HTR6: variants seen among roughly 807,000 people sequenced by gnomAD.
The protein encoded by HTR6 is 5-hydroxytryptamine receptor 6, also known as 5-hydroxytryptamine (serotonin) receptor 6, G protein-coupled.
In HTR6, 15 loss-of-function variants were observed where a neutral mutation model predicts 17.4. The observed-to-expected ratio is 0.86, with a 90% CI of 0.58 to 1.33. The LOEUF is 1.33. HTR6 is among the 40% of genes most tolerant of loss of function. The probability of loss-of-function intolerance (pLI) is 0.00; values close to 1 mark genes in which losing one functional copy is unlikely to be tolerated. For synonymous variants in HTR6, 326 were observed against 295.5 expected (o/e 1.10, Z -1.06); for missense variants, 578 against 616.0 (o/e 0.94, Z 0.65).
intron 1 of HTR6, among the ~76,000 whole-genome samples, chr1:19,669,845 AG>A (rs1252958631): frequency 6.6e-6 from 1 of 152,162 alleles, no homozygotes; most frequent in Non-Finnish European, 1.5e-5. Flanking sequence ...CATGTTGGCC[AG>A]GCTGGTCTCG....
chr1:19,671,575 T>C (rs2095087936), intron 1 of HTR6, among the ~76,000 whole-genome samples: 1 of 152,030 alleles, frequency 6.6e-6, no homozygotes, highest in South Asian at 2.1e-4. Flanking sequence ...GCCCCCTCAA[T>C]GTTTGGACCT....
Position 19,679,041 on chromosome 1 carries a change from C to A in HTR6, c.996C>A (p.Gly332=). The A allele has an allele frequency of 6.2e-7, 1 of 1,614,128 alleles. No individual in the cohort carries two copies. The highest frequency in any genetic ancestry group is 8.5e-7 in the Non-Finnish European group (1 of 1,179,986). ...TGCGGGACTTCAAGCGGGCGCTGGGCAGGTTCCTGCCATGTCCACGCTGTC... is the reference window on the plus strand; with the variant it reads ...TGCGGGACTTCAAGCGGGCGCTGGGAAGGTTCCTGCCATGTCCACGCTGTC... ...LFMRDFKRAL[G]RFLPCPRCPR... Residue 332 remains glycine, a synonymous_variant, in exon 3 of 3, where the codon GGC becomes GGA. Coordinates refer to ENST00000289753, the MANE Select transcript of HTR6 (RefSeq NM_000871.3). The surrounding 1 kb of genome is among the most constrained non-coding windows in gnomAD (Gnocchi z 4.9).
chr1:19,674,475 CG>C (rs1426614653), intron 1 of HTR6, among the ~76,000 whole-genome samples: 7 of 145,344 alleles, frequency 4.8e-5, no homozygotes, highest in African/African-American at 1.8e-4. Context: ...GGTGTGATCT[CG>C]GCTCACTGCA....
rs780415156 is a variant in HTR6, at chr1:19,665,886, T to C, written c.133T>C (p.Ser45Pro). The change falls in exon 1 of 3, where the codon TCG (serine) becomes CCG (proline). Residue 45 changes from serine (S) to proline (P), a missense_variant. Transcript: ENST00000289753. This position sits in a 1 kb window ranked among gnomAD's most constrained non-coding sequence, Gnocchi z 4.2. Reference protein sequence around the residue: ...VVIALTAAANSLLIALICTQP... With the variant: ...VVIALTAAANPLLIALICTQP... ...CATCGCGCTGACGGCGGCGGCCAAC[T>C]CGCTGCTGATCGCGCTCATCTGCAC... 1 of 1,609,116 alleles carries C rather than the reference T, an allele frequency of 6.2e-7. No homozygotes were observed. Among genetic ancestry groups the C allele is most frequent in the Non-Finnish European group, 8.5e-7 (1 of 1,178,304 alleles).
chr1:19,676,745 T>C lies in HTR6; in HGVS notation c.715-1822T>C, dbSNP rs374116208. 2.0e-3 allele frequency among the ~76,000 whole-genome samples: 310 copies of C among 152,294 alleles called. 12 individuals carry two copies. The South Asian group carries it at 0.061, about 30-fold the overall frequency. ...CTCCGCCTTTCCATCTGCGGAAGGT[T>C]GCCTGGGAATCTGGCTCTGCTCCTG... On this transcript the variant is annotated intron_variant, in intron 1 of 2. Coordinates refer to ENST00000289753, the MANE Select transcript of HTR6 (RefSeq NM_000871.3).
intron 1 of HTR6, among the ~76,000 whole-genome samples, chr1:19,671,618 T>A (rs1302907185): frequency 2.0e-5 from 3 of 152,030 alleles, no homozygotes; most frequent in African/African-American, 7.3e-5. Flanking sequence ...CAGATGTGGG[T>A]GTCTTGGACC....
At position 19,665,731 on chromosome 1, in the gene HTR6, C is replaced by T. The variant is rs2095080550; in HGVS notation, c.-23C>T. ...TGCTTTCCCGCCACCCTATCACTCC[C>T]TTGCCGTCCACCCTCGGTCCTCATG... On this transcript the variant is annotated 5_prime_UTR_variant, in exon 1 of 3. Coordinates refer to ENST00000289753, the MANE Select transcript of HTR6 (RefSeq NM_000871.3). This position sits in a 1 kb window ranked among gnomAD's most constrained non-coding sequence, Gnocchi z 4.2. 4 of 1,429,532 alleles carry T rather than the reference C, an allele frequency of 2.8e-6. No homozygotes were observed. The African/African-American group carries it at 6.0e-5, about 21-fold the overall frequency. The allele number at this position is 1,429,532 out of a possible 1,614,324, so 88.6% of individuals were successfully genotyped here.
chr1:19,668,650 C>T (rs1166646012), intron 1 of HTR6, among the ~76,000 whole-genome samples: 4 of 152,156 alleles, frequency 2.6e-5, no homozygotes, highest in African/African-American at 9.7e-5. Context: ...CCCAGGCTGG[C>T]CTCGAGCTCC....
chr1:19,679,091 C>A lies in HTR6; in HGVS notation c.1046C>A (p.Ala349Asp), dbSNP rs140352202. 1 of 1,613,600 alleles carries A rather than the reference C, an allele frequency of 6.2e-7. No individual in the cohort carries two copies. Among genetic ancestry groups the A allele is most frequent in the Admixed American group, 1.7e-5 (1 of 59,988 alleles). ...RCPRERQASLASPSLRTSHSG... is the reference protein window; with the variant it reads ...RCPRERQASLDSPSLRTSHSG... ...CCCCGGGAGCGCCAGGCCAGCCTGG[C>A]CTCGCCATCACTGCGCACCTCTCAC... Residue 349 changes from alanine to aspartate, a missense_variant, in exon 3 of 3, where the codon GCC (alanine) becomes GAC (aspartate). Ala to Asp is a moderately radical substitution (Grantham distance 126). Transcript: ENST00000289753. The surrounding 1 kb of genome is among the most constrained non-coding windows in gnomAD (Gnocchi z 4.9).
chr1:19,672,461 G>A (rs557709585), intron 1 of HTR6, among the ~76,000 whole-genome samples: 1 of 152,102 alleles, frequency 6.6e-6, no homozygotes, highest in Non-Finnish European at 1.5e-5. Flanking sequence ...GGAGGAGGGG[G>A]CCGAGCCAGG....
chr1:19,672,051 T>C (rs919617030), intron 1 of HTR6, among the ~76,000 whole-genome samples: 2 of 151,798 alleles, frequency 1.3e-5, no homozygotes, highest in African/African-American at 4.8e-5. Flanking sequence ...TGGGAGATTG[T>C]GGAGGGTCCA....
rs201812903 is a variant in HTR6 at position 19,678,914 on chromosome 1, C to G, written c.874-5C>G. 2.0e-4 allele frequency: 317 copies of G among 1,589,908 alleles called. 2 individuals carry two copies. The highest frequency in any genetic ancestry group is 1.6e-3 in the South Asian group (142 of 87,648). On this transcript the variant is annotated splice_region_variant and splice_polypyrimidine_tract_variant and intron_variant, in intron 2 of 2. Transcript: ENST00000289753. ...GACCAGGCATGATGCATCCCCTCCC[C>G]CCAGGCCGTGTGCGACTGCATCTCC... is the stretch of plus-strand genomic sequence containing the variant.
chr1:19,679,597 T>C lies in HTR6; in HGVS notation c.*229T>C. On this transcript the variant is annotated 3_prime_UTR_variant, in exon 3 of 3. Transcript: ENST00000289753. The surrounding 1 kb of genome is among the most constrained non-coding windows in gnomAD (Gnocchi z 4.9). ...CTGAAGGATGCTCCACTGTTGAGTGTAACTTGTGTGTGCAGAGGATGGGCT... is the reference window on the plus strand; with the variant it reads ...CTGAAGGATGCTCCACTGTTGAGTGCAACTTGTGTGTGCAGAGGATGGGCT... The C allele has an allele frequency of 1.7e-6, 1 of 587,490 alleles. No individual in the cohort carries two copies. Among genetic ancestry groups the C allele is most frequent in the Non-Finnish European group, 2.8e-6 (1 of 354,194 alleles). 36.4% of individuals were successfully genotyped at this position (587,490 alleles called of 1,614,324 possible).
Position 19,665,917 on chromosome 1 carries a change from C to G in HTR6, c.164C>G (p.Pro55Arg). ...CTGATCGCGCTCATCTGCACTCAGC[C>G]CGCGCTGCGCAACACGTCCAACTTC... is the stretch of plus-strand genomic sequence containing the variant. ...SLLIALICTQPALRNTSNFFL... is the reference protein window; with the variant it reads ...SLLIALICTQRALRNTSNFFL... Residue 55 changes from proline (P) to arginine (R), a missense_variant, in exon 1 of 3, where the codon CCC becomes CGC. Physicochemically the swap from Pro to Arg is moderately radical, Grantham distance 103 (BLOSUM62 -2). Transcript: ENST00000289753. The surrounding 1 kb of genome is among the most constrained non-coding windows in gnomAD (Gnocchi z 4.2). The G allele has an allele frequency of 6.2e-7, 1 of 1,613,238 alleles. No homozygotes were observed. Among genetic ancestry groups the G allele is most frequent in the South Asian group, 1.1e-5 (1 of 91,024 alleles).
At position 19,666,268 on chromosome 1, in the gene HTR6, C is replaced by T. The variant is rs2095081574; in HGVS notation, c.515C>T (p.Ala172Val). 1 of 1,610,288 alleles carries T rather than the reference C, an allele frequency of 6.2e-7. No homozygotes were observed. The highest frequency in any genetic ancestry group is 1.3e-5 in the African/African-American group (1 of 74,932). ...CTGGGCTGGCACGAGCTGGGCCACG[C>T]ACGGCCACCCGTCCCTGGCCAGTGC... ...LLLGWHELGH[A>V]RPPVPGQCRL... The change falls in exon 1 of 3, where the codon GCA becomes GTA. Residue 172 changes from alanine (A) to valine (V), a missense_variant. Physicochemically the swap from Ala to Val is moderately conservative, Grantham distance 64. Transcript: ENST00000289753. This position sits in a 1 kb window ranked among gnomAD's most constrained non-coding sequence, Gnocchi z 4.5.
chr1:19,679,281 C>G lies in HTR6; in HGVS notation c.1236C>G (p.Thr412=), dbSNP rs1253388791. 4 of 1,606,192 alleles carry G rather than the reference C, an allele frequency of 2.5e-6. No individual in the cohort carries two copies. The highest frequency in any genetic ancestry group is 3.4e-6 in the Non-Finnish European group (4 of 1,177,748). The part of the protein sequence containing the change: ...GEATQDPPLP[T]RAAAAVNFFN... ...CCACCCAGGACCCCCCGCTGCCCAC[C>G]AGGGCCGCTGCCGCCGTCAATTTCT... is the stretch of plus-strand genomic sequence containing the variant. Residue 412 remains threonine (T), a synonymous_variant, in exon 3 of 3, where the codon ACC becomes ACG. Coordinates refer to ENST00000289753, the MANE Select transcript of HTR6 (RefSeq NM_000871.3). This position sits in a 1 kb window ranked among gnomAD's most constrained non-coding sequence, Gnocchi z 4.9.
intron 1 of HTR6, among the ~76,000 whole-genome samples, chr1:19,673,864 T>TA (rs1188533131): frequency 4.2e-5 from 2 of 48,020 alleles, no homozygotes; most frequent in Non-Finnish European, 2.3e-4. Flanking sequence ...CTAGGTCTTT[T>TA]TTTTTTTTTT....
At chr1:19,668,347 T>C (rs1014742353) in intron 1 of HTR6, among the ~76,000 whole-genome samples, 2 of 152,132 alleles carry the variant, frequency 1.3e-5, no homozygotes, top group Non-Finnish European at 2.9e-5. Context: ...CAGCTTAGAA[T>C]TGATCATAGC....
chr1:19,669,637 G>A (rs540022908), intron 1 of HTR6, among the ~76,000 whole-genome samples: 4 of 152,212 alleles, frequency 2.6e-5, no homozygotes, highest in African/African-American at 9.6e-5. Flanking sequence ...CTCCTGATCC[G>A]CCTGAGCCAT....
Sources: allele counts gnomAD v4.1 joint callset (sites outside exome capture counted in the v4.1 genomes callset), GRCh38; gene constraint gnomAD v4.1.1; non-coding constraint Gnocchi (gnomAD v3.1); transcripts MANE v1.5; gene names NCBI Gene and HGNC (gene_info 2026-07-23, HGNC 2026-07-21).